Variants in ADAM18 observed in about 807,000 individuals in gnomAD.
The protein encoded by ADAM18 is disintegrin and metalloproteinase domain-containing protein 18.
In ADAM18, 117 loss-of-function variants were observed where a neutral mutation model predicts 94.4. The observed-to-expected ratio is 1.24, with a 90% CI of 1.07 to 1.45. The LOEUF is 1.45. ADAM18 is among the 40% of genes most tolerant of loss of function. The probability of loss-of-function intolerance (pLI) is 0.00; values close to 1 mark genes in which losing one functional copy is unlikely to be tolerated. For synonymous variants in ADAM18, 327 were observed against 291.6 expected (o/e 1.12, Z -1.24); for missense variants, 936 against 880.0 (o/e 1.06, Z -0.81).
chr8:39,605,891 T>C (rs780508047), intron 2 of ADAM18: 41 of 169,976 alleles, frequency 2.4e-4, no homozygotes, highest in African/African-American at 7.5e-4. Flanking sequence ...CCAAATTCCA[T>C]TGTGTCATTC....
At chr8:39,719,635 A>T (rs933800529) in intron 18 of ADAM18, among the ~76,000 whole-genome samples, 1 of 151,436 alleles carries the variant, frequency 6.6e-6, no homozygotes, top group African/African-American at 2.4e-5. Flanking sequence ...CTCTATAAAA[A>T]AGGGGGGCAA....
At chr8:39,686,689 A>T (rs538933170) in intron 16 of ADAM18, among the ~76,000 whole-genome samples, 1 of 152,346 alleles carries the variant, frequency 6.6e-6, no homozygotes, top group East Asian at 1.9e-4. Flanking sequence ...TTAAATGATT[A>T]CAATTTCTGA....
At chr8:39,648,622 C>T (rs914733582) in intron 12 of ADAM18, 95 bp downstream of exon 12, 3 of 1,075,350 alleles carry the variant, frequency 2.8e-6, no homozygotes, top group African/African-American at 3.3e-5. Context: ...ATATATGCAA[C>T]AATGCCATTA....
chr8:39,599,318 T>A (rs1485613168), intron 2 of ADAM18, among the ~76,000 whole-genome samples: 4 of 152,232 alleles, frequency 2.6e-5, no homozygotes, highest in South Asian at 2.1e-4. Flanking sequence ...AATTATTTTA[T>A]ACACTGTTGA....
At chr8:39,589,301 T>C (rs569028945) in intron 2 of ADAM18, among the ~76,000 whole-genome samples, 126 of 152,342 alleles carry the variant, frequency 8.3e-4, no homozygotes, top group African/African-American at 2.9e-3. Flanking sequence ...GCACATTATA[T>C]CTTACTCAGA....
chr8:39,648,500 T>C lies in ADAM18; in HGVS notation c.1203T>C (p.Asn401=). The change falls in exon 12 of 20, where the codon AAT becomes AAC. Residue 401 remains asparagine, a synonymous_variant. Coordinates refer to ENST00000265707, the MANE Select transcript of ADAM18 (RefSeq NM_014237.3). ...GTGGTAATGGGATTTTGGAATCCAATGAAGAATGTGACTGTGGTAATAAAA... is the reference window on the plus strand; with the variant it reads ...GTGGTAATGGGATTTTGGAATCCAACGAAGAATGTGACTGTGGTAATAAAA... ...PVCGNGILES[N]EECDCGNKNE... 3.1e-6 allele frequency: 5 copies of C among 1,608,310 alleles called. No individual in the cohort carries two copies. The highest frequency in any genetic ancestry group is 4.2e-6 in the Non-Finnish European group (5 of 1,177,832).
At chr8:39,712,879 G>C (rs1271399494) in intron 18 of ADAM18, among the ~76,000 whole-genome samples, 1 of 152,174 alleles carries the variant, frequency 6.6e-6, no homozygotes, top group Non-Finnish European at 1.5e-5. Context: ...GTAATTTGTA[G>C]ATTCAATGCC....
intron 17 of ADAM18, among the ~76,000 whole-genome samples, chr8:39,705,195 TTGTG>T (rs1183226046): frequency 6.6e-6 from 1 of 152,034 alleles, no homozygotes; most frequent in Non-Finnish European, 1.5e-5. Flanking sequence ...AGGTTATCTT[TTGTG>T]TGTGTGTGTT....
intron 2 of ADAM18, among the ~76,000 whole-genome samples, chr8:39,599,809 CT>C (rs572496548): frequency 5.6e-4 from 85 of 151,514 alleles, no homozygotes; most frequent in African/African-American, 2.0e-3. Flanking sequence ...GTTCTAGCAA[CT>C]TTTTTCATAT....
chr8:39,607,482 T>A (rs1819122463), intron 3 of ADAM18, among the ~76,000 whole-genome samples: 1 of 152,224 alleles, frequency 6.6e-6, no homozygotes, highest in Non-Finnish European at 1.5e-5. Context: ...TCACGTTTAC[T>A]TTTCTTCCTC....
Position 39,706,800 on chromosome 8 carries a change from A to C in ADAM18, c.1913A>C (p.Asn638Thr). Residue 638 changes from asparagine to threonine, a missense_variant, in exon 18 of 20, where the codon AAT (asparagine) becomes ACT (threonine). Transcript: ENST00000265707. ...ATTTTTCTGTTTCAGATATGTAATA[A>C]TTTTGGTAATTGTCAATGCTTCCCT... is the stretch of plus-strand genomic sequence containing the variant. ...TKCKGKGICN[N>T]FGNCQCFPGH... The C allele has an allele frequency of 6.3e-7, 1 of 1,596,396 alleles. No individual in the cohort carries two copies. The highest frequency in any genetic ancestry group is 8.6e-7 in the Non-Finnish European group (1 of 1,165,694).
intron 2 of ADAM18, among the ~76,000 whole-genome samples, chr8:39,590,733 A>G (rs1818547558): frequency 6.6e-6 from 1 of 152,182 alleles, no homozygotes; most frequent in South Asian, 2.1e-4. Flanking sequence ...TTTTACATTG[A>G]TAAATAATAC....
At chr8:39,586,794 A>ATCT (rs1491048069) in intron 2 of ADAM18, among the ~76,000 whole-genome samples, 1 of 138,772 alleles carries the variant, frequency 7.2e-6, no homozygotes, top group Non-Finnish European at 1.6e-5. Flanking sequence ...CTATCTATCT[A>ATCT]TCTATCTATA....
At chr8:39,674,434 G>A (rs957137140) in intron 14 of ADAM18, among the ~76,000 whole-genome samples, 9 of 152,082 alleles carry the variant, frequency 5.9e-5, no homozygotes, top group Non-Finnish European at 1.2e-4. Context: ...TCAGATACTA[G>A]GATTGCAACC....
chr8:39,725,338 A>T (rs1822873329), intron 19 of ADAM18, among the ~76,000 whole-genome samples: 1 of 152,006 alleles, frequency 6.6e-6, no homozygotes, highest in African/African-American at 2.4e-5. Flanking sequence ...TTGTTGCTTT[A>T]CCAAGGTAAG....
At chr8:39,721,443 A>G (rs1822744637) in intron 18 of ADAM18, among the ~76,000 whole-genome samples, 1 of 151,604 alleles carries the variant, frequency 6.6e-6, no homozygotes, top group African/African-American at 2.4e-5. Flanking sequence ...AGCATCTGCA[A>G]AGAAAAACTA....
At chr8:39,638,030 C>T (rs942509736) in intron 9 of ADAM18, among the ~76,000 whole-genome samples, 58 of 151,712 alleles carry the variant, frequency 3.8e-4, no homozygotes, top group African/African-American at 1.4e-3. Flanking sequence ...TAAAATTATT[C>T]ATGATAAATT....
chr8:39,633,386 G>C (rs1316816162), intron 7 of ADAM18, among the ~76,000 whole-genome samples: 1 of 152,174 alleles, frequency 6.6e-6, no homozygotes, highest in Non-Finnish European at 1.5e-5. Context: ...ATTCTGATGA[G>C]AGCTCATAAG....
intron 15 of ADAM18, 37 bp from the exon 16 acceptor site, chr8:39,680,000 A>T (rs764567134): frequency 1.2e-5 from 20 of 1,602,638 alleles, no homozygotes; most frequent in Non-Finnish European, 1.6e-5. Context: ...TCATTAAGAG[A>T]TAAACTGATA....
Sources: gnomAD v4.1 joint callset for allele counts (sites outside exome capture counted in the v4.1 genomes callset) on GRCh38, gnomAD v4.1.1 for gene constraint, MANE v1.5 for transcripts, NCBI Gene and HGNC (gene_info 2026-07-23, HGNC 2026-07-21) for gene names.